Variants in FARS2 observed in about 807,000 individuals in gnomAD.
FARS2 encodes phenylalanine--tRNA ligase, mitochondrial.
FARS2 carries 40 observed loss-of-function variants against 46.4 expected under a neutral mutation model. The observed-to-expected ratio is 0.86, with a 90% CI of 0.67 to 1.12. The LOEUF (loss-of-function observed/expected upper bound fraction) is 1.12. Among genes scored for constraint, FARS2 ranks in the 50% most tolerant of loss-of-function variants. FARS2 has a pLI of 0.00. For missense variants in FARS2, 513 were observed against 567.9 expected, an observed-to-expected ratio of 0.90 and a Z score of 0.98; for synonymous variants, 234 against 214.9, an observed-to-expected ratio of 1.09 and a Z score of -0.78.
At chr6:5,616,010 T>TAAAAAAAAAAAAAAAAAA (rs11327256) in intron 6 of FARS2, among the ~76,000 whole-genome samples, 2 of 95,828 alleles carry the variant, frequency 2.1e-5, no homozygotes, top group Non-Finnish European at 4.1e-5. Context: ...CCATAGCTCT[T>TAAAAAAAAAAAAAAAAAA]AAAAAAAAAA....
At chr6:5,312,466 C>T (rs904857592) in intron 1 of FARS2, among the ~76,000 whole-genome samples, 4 of 152,092 alleles carry the variant, frequency 2.6e-5, no homozygotes, top group Non-Finnish European at 5.9e-5. Flanking sequence ...TTAGAGAATA[C>T]GTTAACAGTG....
intron 1 of FARS2, among the ~76,000 whole-genome samples, chr6:5,304,952 G>A (rs181508931): frequency 5.9e-5 from 9 of 152,178 alleles, no homozygotes; most frequent in African/African-American, 7.2e-5. Context: ...ATTTGGAGGC[G>A]AAGGTGGAAG....
At chr6:5,485,206 A>G (rs867786733) in intron 4 of FARS2, among the ~76,000 whole-genome samples, 2 of 152,212 alleles carry the variant, frequency 1.3e-5, no homozygotes, top group South Asian at 4.1e-4. Context: ...CCTTTGATGT[A>G]GCATTGAGTG....
intron 4 of FARS2, among the ~76,000 whole-genome samples, chr6:5,435,785 A>T (rs150185402): frequency 9.4e-4 from 143 of 152,318 alleles, no homozygotes; most frequent in African/African-American, 3.4e-3. Flanking sequence ...TGCCCCTGTG[A>T]AGTTTAGAAG....
At chr6:5,329,570 T>C (rs1770649157) in intron 1 of FARS2, among the ~76,000 whole-genome samples, 1 of 152,212 alleles carries the variant, frequency 6.6e-6, no homozygotes, top group Non-Finnish European at 1.5e-5. Flanking sequence ...CCCCACAGGC[T>C]AAAAACTGTC....
intron 2 of FARS2, among the ~76,000 whole-genome samples, chr6:5,390,187 G>T (rs920687512): frequency 6.6e-6 from 1 of 152,084 alleles, no homozygotes; most frequent in Non-Finnish European, 1.5e-5. Context: ...TTTTGTTCCA[G>T]TACTTACCTT....
At chr6:5,394,772 T>A (rs1760791584) in intron 2 of FARS2, among the ~76,000 whole-genome samples, 1 of 152,052 alleles carries the variant, frequency 6.6e-6, no homozygotes, top group South Asian at 2.1e-4. Flanking sequence ...ACAGTGTTTT[T>A]TTTTAAAAAA....
rs562349000 is a variant in FARS2 at position 5,404,752 on chromosome 6, A to G, written c.772+51A>G. ...ATCTCTTATCTGAAATACTTGGGAC[A>G]GAAGTGTTTTGGATTTGGGTTTTTT... On this transcript the variant is annotated intron_variant, in intron 3 of 6. Coordinates refer to ENST00000274680, the MANE Select transcript of FARS2 (RefSeq NM_006567.5). 6 of 1,236,092 alleles carry G rather than the reference A, an allele frequency of 4.9e-6. No homozygotes were observed. The East Asian group carries it at 1.3e-4, about 27-fold the overall frequency. The allele number at this position is 1,236,092 out of a possible 1,614,324, so 76.6% of individuals were successfully genotyped here.
At chr6:5,310,645 T>C (rs909299508) in intron 1 of FARS2, among the ~76,000 whole-genome samples, 1 of 152,198 alleles carries the variant, frequency 6.6e-6, no homozygotes, top group Non-Finnish European at 1.5e-5. Flanking sequence ...GCTTCACTGA[T>C]AATTAATGGG....
intron 6 of FARS2, among the ~76,000 whole-genome samples, chr6:5,768,564 A>G (rs1033909310): frequency 2.0e-5 from 3 of 152,232 alleles, no homozygotes; most frequent in Non-Finnish European, 2.9e-5. Context: ...CTCACACCCA[A>G]TTAGCACTTT....
intron 4 of FARS2, among the ~76,000 whole-genome samples, chr6:5,484,208 G>T (rs1766643325): frequency 6.6e-6 from 1 of 152,242 alleles, no homozygotes; most frequent in South Asian, 2.1e-4. Flanking sequence ...AGAAGGCAGT[G>T]TTCCAAAAGT....
intron 1 of FARS2, among the ~76,000 whole-genome samples, chr6:5,306,768 T>A (rs9405819): frequency 0.47 from 70,817 of 151,878 alleles, 16,889 homozygotes; most frequent in African/African-American, 0.56. Flanking sequence ...AGCTCCATAC[T>A]GTCTTCTGTA....
chr6:5,382,055 C>G (rs2432753), intron 2 of FARS2, among the ~76,000 whole-genome samples: 98,434 of 152,106 alleles, frequency 0.65, 32,299 homozygotes, highest in African/African-American at 0.75. Flanking sequence ...ATCTTGCCAT[C>G]CATCTGGTAA....
At chr6:5,297,623 G>A (rs78944453) in intron 1 of FARS2, among the ~76,000 whole-genome samples, 2 of 151,524 alleles carry the variant, frequency 1.3e-5, no homozygotes, top group Admixed American at 6.6e-5. Context: ...ACTCCAGCCC[G>A]GGCAACAAGG....
intron 4 of FARS2, among the ~76,000 whole-genome samples, chr6:5,529,510 G>GT (rs1257070256): frequency 6.6e-6 from 1 of 152,158 alleles, no homozygotes; most frequent in Non-Finnish European, 1.5e-5. Flanking sequence ...GTTTTACCAT[G>GT]TTGGCCAGGA....
chr6:5,766,528 A>G (rs1762759467), intron 6 of FARS2, among the ~76,000 whole-genome samples: 1 of 152,264 alleles, frequency 6.6e-6, no homozygotes, highest in Non-Finnish European at 1.5e-5. Flanking sequence ...ATTTTTTAAC[A>G]GAACAGTTAA....
At chr6:5,743,822 G>T (rs1157409936) in intron 6 of FARS2, among the ~76,000 whole-genome samples, 1 of 152,160 alleles carries the variant, frequency 6.6e-6, no homozygotes, top group Non-Finnish European at 1.5e-5. Flanking sequence ...AAAAACAAAG[G>T]TATTCTATCA....
intron 6 of FARS2, among the ~76,000 whole-genome samples, chr6:5,654,611 G>C (rs113689395): frequency 0.031 from 4,671 of 152,112 alleles, 162 homozygotes; most frequent in African/African-American, 0.085. Flanking sequence ...CCAGGCCTTG[G>C]GAAGACTGTG....
intron 6 of FARS2, among the ~76,000 whole-genome samples, chr6:5,668,481 A>G (rs1778260833): frequency 6.6e-6 from 1 of 152,216 alleles, no homozygotes; most frequent in Non-Finnish European, 1.5e-5. Flanking sequence ...CCAGAGGGAA[A>G]GTGAATTCCT....
Sources: allele counts gnomAD v4.1 joint callset (sites outside exome capture counted in the v4.1 genomes callset), GRCh38; gene constraint gnomAD v4.1.1; transcripts MANE v1.5; gene names NCBI Gene and HGNC (gene_info 2026-07-23, HGNC 2026-07-21).